Variants in ERP44 observed in about 807,000 individuals in gnomAD.
The protein encoded by ERP44 is endoplasmic reticulum resident protein 44.
A neutral mutation model predicts 53.4 loss-of-function variants in ERP44; 25 were observed. The ratio of observed to expected loss-of-function variants is 0.47; its 90% CI spans 0.34 to 0.65. The LOEUF is 0.65. Ranked by LOEUF, ERP44 falls within the 30% of genes least tolerant of loss-of-function variation. The pLI is 0.01. For synonymous variants in ERP44, 145 were observed against 161.2 expected (o/e 0.90, Z 0.76); for missense variants, 338 against 493.2 (o/e 0.69, Z 2.98).
intron 4 of ERP44, 66 bp from the exon 5 acceptor site, chr9:100,022,292 T>TTTTGCCAAATGG: frequency 1.5e-6 from 2 of 1,311,928 alleles, no homozygotes; most frequent in Non-Finnish European, 2.0e-6. Context: ...TGCCTAATGG[T>TTTTGCCAAATGG]CAAAAATCTT....
chr9:100,049,697 A>G (rs184088821), intron 4 of ERP44, among the ~76,000 whole-genome samples: 1 of 152,358 alleles, frequency 6.6e-6, no homozygotes, highest in East Asian at 1.9e-4. Context: ...TTTGGAAAAT[A>G]GTTTGGCAGT....
intron 4 of ERP44, among the ~76,000 whole-genome samples, chr9:100,051,746 C>T (rs1373226099): frequency 6.6e-6 from 1 of 152,026 alleles, no homozygotes; most frequent in Non-Finnish European, 1.5e-5. Flanking sequence ...GAGGAAACAC[C>T]ACTAGCAAGA....
chr9:100,020,611 CT>C lies in ERP44; in HGVS notation c.587+4del. On this transcript the variant is annotated splice_donor_region_variant and intron_variant, in intron 6 of 11. Transcript: ENST00000262455. ...CACTAACACACTTTTAAATAAGATACTTACCCAAATGCAGAAAGAAAGGCAC... is the reference window on the plus strand; with the variant it reads ...CACTAACACACTTTTAAATAAGATACTACCCAAATGCAGAAAGAAAGGCAC... The C allele has an allele frequency of 6.6e-7, 1 of 1,510,460 alleles. No homozygotes were observed. Among genetic ancestry groups the C allele is most frequent in the Non-Finnish European group, 9.2e-7 (1 of 1,086,536 alleles). 93.6% of individuals were successfully genotyped at this position (1,510,460 alleles called of 1,614,324 possible).
At chr9:100,051,611 T>A (rs1013981467) in intron 4 of ERP44, among the ~76,000 whole-genome samples, 3 of 151,744 alleles carry the variant, frequency 2.0e-5, no homozygotes, top group African/African-American at 7.3e-5. Flanking sequence ...GAAAAAAAAA[T>A]TCCTGCCTTA....
At chr9:99,998,670 T>C in intron 10 of ERP44, 1 of 760,942 alleles carries the variant, frequency 1.3e-6, no homozygotes, top group East Asian at 2.5e-5. Flanking sequence ...TCACTGCTGC[T>C]GTGTGACCTT....
At chr9:100,023,991 C>T (rs1344833080) in intron 4 of ERP44, among the ~76,000 whole-genome samples, 4 of 151,980 alleles carry the variant, frequency 2.6e-5, no homozygotes, top group Non-Finnish European at 4.4e-5. Context: ...CTTGTCTCTA[C>T]TAAAAATACA....
chr9:100,048,362 G>A (rs1220369265), intron 4 of ERP44, among the ~76,000 whole-genome samples: 1 of 151,992 alleles, frequency 6.6e-6, no homozygotes, highest in African/African-American at 2.4e-5. Flanking sequence ...ACAACAAAGA[G>A]AAAATAAGAG....
chr9:100,098,911 A>C lies in ERP44; in HGVS notation c.-71T>G. On this transcript the variant is annotated 5_prime_UTR_variant, in exon 1 of 12. Transcript: ENST00000262455. ...CTGGGCTAGGTTGGGTTGGGTTAGGAAAGGGCTGGGCTCCGGGAGCCGACG... is the reference window on the plus strand; with the variant it reads ...CTGGGCTAGGTTGGGTTGGGTTAGGCAAGGGCTGGGCTCCGGGAGCCGACG... 1 of 1,337,160 alleles carries C rather than the reference A, an allele frequency of 7.5e-7. No homozygotes were observed. Among genetic ancestry groups the C allele is most frequent in the East Asian group, 2.4e-5 (1 of 42,442 alleles). The allele number at this position is 1,337,160 out of a possible 1,614,324, so 82.8% of individuals were successfully genotyped here.
chr9:100,088,098 T>G (rs1348966750), intron 1 of ERP44, among the ~76,000 whole-genome samples: 2 of 152,128 alleles, frequency 1.3e-5, no homozygotes, highest in African/African-American at 4.8e-5. Flanking sequence ...GGGGCAAGGC[T>G]GAAGAGATCA....
chr9:99,995,476 GAT>G (rs1830301353), intron 10 of ERP44, among the ~76,000 whole-genome samples: 1 of 152,122 alleles, frequency 6.6e-6, no homozygotes, highest in Admixed American at 6.5e-5. Context: ...GTCCTTTATA[GAT>G]GCCCTTTGAA....
At chr9:99,986,647 TC>T (rs1244295724) in intron 10 of ERP44, among the ~76,000 whole-genome samples, 1 of 152,152 alleles carries the variant, frequency 6.6e-6, no homozygotes, top group Non-Finnish European at 1.5e-5. Flanking sequence ...CTTCAATAAC[TC>T]CCACTGAGAT....
intron 1 of ERP44, among the ~76,000 whole-genome samples, chr9:100,077,870 T>G (rs1221247215): frequency 6.6e-6 from 1 of 152,212 alleles, no homozygotes; most frequent in Non-Finnish European, 1.5e-5. Flanking sequence ...TACTATGCCT[T>G]GTGATTAACC....
In ERP44 at chr9:99,984,947, A is replaced by C; in HGVS notation, c.1119+20T>G. 1.3e-6 allele frequency: 2 copies of C among 1,502,700 alleles called. No individual in the cohort carries two copies. Among genetic ancestry groups the C allele is most frequent in the Non-Finnish European group, 1.8e-6 (2 of 1,084,674 alleles). The allele number at this position is 1,502,700 out of a possible 1,614,324, so 93.1% of individuals were successfully genotyped here. ...AAGGGAAAAAAAGAGTTCTCATTGA[A>C]AAATAAACAGGAGTCCTACCTCTCC... is the stretch of plus-strand genomic sequence containing the variant. On this transcript the variant is annotated intron_variant, in intron 11 of 11. Transcript: ENST00000262455.
chr9:100,023,905 A>G (rs1217881756), intron 4 of ERP44, among the ~76,000 whole-genome samples: 1 of 152,188 alleles, frequency 6.6e-6, no homozygotes, highest in African/African-American at 2.4e-5. Flanking sequence ...CTGTAATCCC[A>G]GAAGTTTGGG....
chr9:99,982,819 T>A, intron 11 of ERP44, 106 bp from the exon 12 acceptor site: 1 of 533,476 alleles, frequency 1.9e-6, no homozygotes, highest in Non-Finnish European at 3.0e-6. Flanking sequence ...ATTATTTGCT[T>A]ATTAATCAAT....
intron 10 of ERP44, among the ~76,000 whole-genome samples, chr9:100,004,441 C>G (rs946889179): frequency 3.9e-5 from 6 of 152,282 alleles, no homozygotes; most frequent in African/African-American, 1.4e-4. Flanking sequence ...CTTTGGAATC[C>G]AGCCTGGGGC....
intron 1 of ERP44, among the ~76,000 whole-genome samples, chr9:100,088,486 T>TC (rs1212171207): frequency 2.6e-5 from 4 of 152,114 alleles, no homozygotes; most frequent in Non-Finnish European, 1.5e-5. Context: ...AAACTACAAC[T>TC]CCCCTAATAC....
At chr9:100,084,785 C>G (rs947929099) in intron 1 of ERP44, among the ~76,000 whole-genome samples, 1 of 152,164 alleles carries the variant, frequency 6.6e-6, no homozygotes, top group African/African-American at 2.4e-5. Flanking sequence ...GGATAAAGCT[C>G]CCTGCTTATT....
In ERP44 at chr9:100,060,529, C is replaced by CAT. The variant is rs1315659418; in HGVS notation, c.58-359_58-358dup. On this transcript the variant is annotated intron_variant, in intron 1 of 11. Coordinates refer to ENST00000262455, the MANE Select transcript of ERP44 (RefSeq NM_015051.3). Reference sequence around the variant, plus strand: ...AGATTATCAGTGTTTAAAGTATAAACATAAAAACCAAAGCTAAGTCTGCTG... The same window carrying CAT: ...AGATTATCAGTGTTTAAAGTATAAACATATAAAAACCAAAGCTAAGTCTGCTG... Among the ~76,000 whole-genome samples, 11 of 152,120 alleles carry CAT rather than the reference C, an allele frequency of 7.2e-5. No homozygotes were observed. In the East Asian group the frequency reaches 2.1e-3, roughly 29 times the overall value.
Sources: gnomAD v4.1 joint callset for allele counts (sites outside exome capture counted in the v4.1 genomes callset) on GRCh38, gnomAD v4.1.1 for gene constraint, MANE v1.5 for transcripts, NCBI Gene and HGNC (gene_info 2026-07-23, HGNC 2026-07-21) for gene names.